The following RNF4 variants were observed in gnomAD, a reference collection of about 807,000 sequenced individuals.
The protein encoded by RNF4 is ring finger protein 4.
A neutral mutation model predicts 24.3 loss-of-function variants in RNF4; 7 were observed. That is an observed-to-expected ratio of 0.29 (90% CI 0.16 to 0.54). The LOEUF (loss-of-function observed/expected upper bound fraction) is 0.54, where lower values mean the gene tolerates loss of function less well. RNF4 is among the 20% of genes least tolerant of loss of function. RNF4 has a pLI of 0.95. For synonymous variants in RNF4, 83 were observed against 84.3 expected (o/e 0.98, Z 0.09); for missense variants, 209 against 248.5 (o/e 0.84, Z 1.07).
intron 4 of RNF4, among the ~76,000 whole-genome samples, chr4:2,509,929 C>G (rs1274316193): frequency 6.6e-6 from 1 of 152,154 alleles, no homozygotes; most frequent in African/African-American, 2.4e-5. Context: ...CAGCTAAACC[C>G]AAGGCTTTCC....
intron 1 of RNF4, among the ~76,000 whole-genome samples, chr4:2,490,093 G>C (rs1372710672): frequency 6.6e-6 from 1 of 152,068 alleles, no homozygotes; most frequent in Non-Finnish European, 1.5e-5. Context: ...TTGCCAAGGT[G>C]GCAGGAGCCA....
chr4:2,500,089 G>A (rs1010834827), intron 3 of RNF4, among the ~76,000 whole-genome samples: 1 of 151,412 alleles, frequency 6.6e-6, no homozygotes, highest in African/African-American at 2.4e-5. Context: ...CCCAGGAGGC[G>A]GAGGTTGCAG....
rs1736305509 is a variant in RNF4 at position 2,512,799 on chromosome 4, C to T, written c.374+202C>T. Among the ~76,000 whole-genome samples the T allele has an allele frequency of 6.6e-6, 1 of 152,210 alleles. No individual in the cohort carries two copies. The highest frequency in any genetic ancestry group is 1.5e-5 in the Non-Finnish European group (1 of 68,028). On this transcript the variant is annotated intron_variant, in intron 6 of 7. Coordinates refer to ENST00000314289, the MANE Select transcript of RNF4 (RefSeq NM_002938.5). This position sits in a 1 kb window ranked among gnomAD's most constrained non-coding sequence, Gnocchi z 4.1. ...AACCAGAGGATGCCAAGCGCTGACA[C>T]AGTGTGTGCAGACAGTCCCAGTGGC...
At chr4:2,504,318 G>C (rs1736001903) in intron 4 of RNF4, among the ~76,000 whole-genome samples, 1 of 152,140 alleles carries the variant, frequency 6.6e-6, no homozygotes, top group Admixed American at 6.6e-5. Flanking sequence ...CTTTTCTAAA[G>C]AGGGAGCAGT....
At chr4:2,490,531 A>G (rs752372271) in intron 2 of RNF4, 29 bp downstream of exon 2, 1 of 1,605,856 alleles carries the variant, frequency 6.2e-7, no homozygotes, top group South Asian at 1.1e-5. Flanking sequence ...TGAATTTTTA[A>G]TTTTGTAGGG....
At chr4:2,509,062 G>T (rs1736190783) in intron 4 of RNF4, among the ~76,000 whole-genome samples, 1 of 147,832 alleles carries the variant, frequency 6.8e-6, no homozygotes, top group Admixed American at 6.8e-5. Flanking sequence ...GGGATTACAG[G>T]TGCCCACCAC....
At chr4:2,495,413 A>G (rs964338185) in intron 2 of RNF4, among the ~76,000 whole-genome samples, 1 of 152,200 alleles carries the variant, frequency 6.6e-6, no homozygotes, top group Non-Finnish European at 1.5e-5. Flanking sequence ...TTGGGATAGT[A>G]GTAGCATCTT....
chr4:2,505,461 G>C (rs999932326), intron 4 of RNF4: 2 of 151,780 alleles, frequency 1.3e-5, no homozygotes, highest in Non-Finnish European at 2.9e-5. Context: ...GAGTAGCTGG[G>C]ACTACAGGTG....
In RNF4 at chr4:2,473,079, G is replaced by A. The variant is rs530019479; in HGVS notation, c.-158+3821G>A. 4.0e-5 allele frequency among the ~76,000 whole-genome samples: 6 copies of A among 151,364 alleles called. No individual in the cohort carries two copies. The South Asian group carries it at 1.3e-3, about 32-fold the overall frequency. On this transcript the variant is annotated intron_variant, in intron 1 of 7. Transcript: ENST00000314289. ...AAAAGAATATTTGTGATTCATGGGA[G>A]GAGGTCAAAATATCAACATCAGCAG...
chr4:2,511,158 G>A (rs560679112), intron 4 of RNF4, among the ~76,000 whole-genome samples: 2 of 152,254 alleles, frequency 1.3e-5, no homozygotes, highest in Non-Finnish European at 2.9e-5. Context: ...AGCACAGTCA[G>A]ATGTGGGCTC....
rs1734823289 is a variant in RNF4 at position 2,469,491 on chromosome 4, T to G, written c.-158+233T>G. The G allele has an allele frequency of 2.0e-5, 3 of 152,080 alleles. No individual in the cohort carries two copies. In the South Asian group the frequency reaches 6.2e-4, roughly 32 times the overall value. The allele number at this position is 152,080 out of a possible 1,614,324, so 9.4% of individuals were successfully genotyped here. ...TCTGCGTCTGGGTCTCGGCTCACCC[T>G]GGGGGGCCGCGGCCATGGGGCTTAG... On this transcript the variant is annotated intron_variant, in intron 1 of 7. Transcript: ENST00000314289.
chr4:2,490,361 C>T lies in RNF4; in HGVS notation c.-133C>T. 1.3e-6 allele frequency: 1 copy of T among 768,794 alleles called. No individual in the cohort carries two copies. Among genetic ancestry groups the T allele is most frequent in the Non-Finnish European group, 2.1e-6 (1 of 473,464 alleles). 47.6% of individuals were successfully genotyped at this position (768,794 alleles called of 1,614,324 possible). On this transcript the variant is annotated 5_prime_UTR_variant, in exon 2 of 8. Coordinates refer to ENST00000314289, the MANE Select transcript of RNF4 (RefSeq NM_002938.5). ...GGACTTGAAAATACTGGAAATCTGT[C>T]CGGATCCAAATTATTTTGCAAGCCA...
At chr4:2,509,165 C>T (rs549285457) in intron 4 of RNF4, among the ~76,000 whole-genome samples, 4 of 151,456 alleles carry the variant, frequency 2.6e-5, no homozygotes, top group African/African-American at 4.8e-5. Context: ...GTTTTCTGCC[C>T]GCCTCTGCCT....
At chr4:2,505,360 C>G (rs1213625856) in intron 4 of RNF4, 2 of 147,826 alleles carry the variant, frequency 1.4e-5, no homozygotes, top group South Asian at 2.1e-4. Context: ...GAGTCTCGCT[C>G]TGTTGCCCAA....
At chr4:2,479,851 T>C (rs1735196080) in intron 1 of RNF4, 1 of 152,186 alleles carries the variant, frequency 6.6e-6, no homozygotes, top group Non-Finnish European at 1.5e-5. Flanking sequence ...TCTGAAATTA[T>C]TTTTTTCTCT....
At chr4:2,493,422 G>A (rs932030671) in intron 2 of RNF4, among the ~76,000 whole-genome samples, 1 of 152,072 alleles carries the variant, frequency 6.6e-6, no homozygotes, top group Non-Finnish European at 1.5e-5. Context: ...GGCTCCCTCA[G>A]TGGGGCCCAG....
chr4:2,470,608 C>G (rs1170959276), intron 1 of RNF4, among the ~76,000 whole-genome samples: 3 of 152,114 alleles, frequency 2.0e-5, no homozygotes, highest in Non-Finnish European at 4.4e-5. Flanking sequence ...CATACGTAAA[C>G]TATTTCTTTT....
chr4:2,482,321 A>C (rs1239070547), intron 1 of RNF4, among the ~76,000 whole-genome samples: 4 of 152,178 alleles, frequency 2.6e-5, no homozygotes, highest in Non-Finnish European at 5.9e-5. Flanking sequence ...AGAGGCAGCT[A>C]AGCTGCTAGC....
chr4:2,487,322 G>A (rs1735439504), intron 1 of RNF4, among the ~76,000 whole-genome samples: 1 of 152,146 alleles, frequency 6.6e-6, no homozygotes, highest in African/African-American at 2.4e-5. Flanking sequence ...GTCTCTCTCT[G>A]TTGGCCAGGC....
Sources: gnomAD v4.1 joint callset for allele counts (sites outside exome capture counted in the v4.1 genomes callset) on GRCh38, gnomAD v4.1.1 for gene constraint, Gnocchi (gnomAD v3.1) non-coding constraint, MANE v1.5 for transcripts, NCBI Gene and HGNC (gene_info 2026-07-23, HGNC 2026-07-21) for gene names.